The following ZNF705B variants were observed in gnomAD, a reference collection of about 807,000 sequenced individuals.
The protein encoded by ZNF705B is zinc finger protein 705B.
Under a neutral mutation model 10.5 loss-of-function variants are expected in ZNF705B, and 1 was observed. The ratio of observed to expected loss-of-function variants is 0.10; its 90% CI spans 0.03 to 0.45. ZNF705B has a LOEUF of 0.45. ZNF705B is among the 20% of genes least tolerant of loss of function. The pLI is 0.97. For missense variants in ZNF705B, 14 were observed against 84.0 expected, an observed-to-expected ratio of 0.17 and a Z score of 3.26; for synonymous variants, 4 against 25.4, an observed-to-expected ratio of 0.16 and a Z score of 2.53.
chr8:7,929,081 A>C (rs1819773590), intron 1 of ZNF705B, among the ~76,000 whole-genome samples: 1 of 121,400 alleles, frequency 8.2e-6, no homozygotes, highest in Admixed American at 9.3e-5. Flanking sequence ...TACCCCAAAA[A>C]CTACTGAAAT....
At chr8:7,931,181 G>T (rs575424420) in intron 2 of ZNF705B, among the ~76,000 whole-genome samples, 1 of 121,170 alleles carries the variant, frequency 8.3e-6, no homozygotes, top group Admixed American at 9.3e-5. Flanking sequence ...TGGTGAGCTC[G>T]GTAGATAGGC....
intron 2 of ZNF705B, among the ~76,000 whole-genome samples, chr8:7,936,625 A>T (rs1585000754): frequency 8.4e-6 from 1 of 119,706 alleles, no homozygotes; most frequent in Non-Finnish European, 2.0e-5. Context: ...CAAGAACAGG[A>T]AGACAAATAC....
chr8:7,928,409 A>T lies in ZNF705B; in HGVS notation c.-221-1878A>T, dbSNP rs1374804274. On this transcript the variant is annotated intron_variant, in intron 1 of 6. Coordinates refer to ENST00000400120, the MANE Select transcript of ZNF705B (RefSeq NM_001193630.1). The stretch of plus-strand genomic sequence containing the variant: ...TCTTTCATTCAAGTGTCATTTGTTT[A>T]AACAAATACGTGAGTACCTCGTCTC... Among the ~76,000 whole-genome samples the T allele has an allele frequency of 3.3e-5, 4 of 120,946 alleles. 2 individuals are homozygous for T. Among genetic ancestry groups the T allele is most frequent in the Non-Finnish European group, 7.9e-5 (4 of 50,430 alleles). The allele number at this position is 120,946 out of a possible 152,430, so 79.3% of individuals were successfully genotyped here. A position where few individuals can be genotyped will look rare whatever the true frequency, so the allele number is the denominator to read the frequency against.
chr8:7,938,901 CATAG>C (rs1182876558), intron 2 of ZNF705B: 3 of 455,628 alleles, frequency 6.6e-6, no homozygotes, highest in African/African-American at 5.1e-5. Context: ...TAGGGATATT[CATAG>C]ATAGAGGTGT....
Position 7,936,243 on chromosome 8 carries a change from T to C in ZNF705B, c.-72+5807T>C, listed in dbSNP as rs1400303333. ...TTTGTGCGGAAATTTGTTGTTACTC[T>C]CGGTTCAGAGGTCTTTGAATCATGT... On this transcript the variant is annotated intron_variant, in intron 2 of 6. Transcript: ENST00000400120. Among the ~76,000 whole-genome samples the C allele has an allele frequency of 1.6e-4, 19 of 120,282 alleles. 1 individual carries two copies. Among genetic ancestry groups the C allele is most frequent in the African/African-American group, 4.8e-4 (19 of 39,264 alleles). The allele number at this position is 120,282 out of a possible 152,430, so 78.9% of individuals were successfully genotyped here.
rs1409945249 is a variant in ZNF705B, at chr8:7,928,306, G to C, written c.-222+1909G>C. 3.3e-5 allele frequency among the ~76,000 whole-genome samples: 4 copies of C among 120,628 alleles called. 1 individual carries two copies. Among genetic ancestry groups the C allele is most frequent in the African/African-American group, 5.0e-5 (2 of 39,758 alleles). The allele number at this position is 120,628 out of a possible 152,430, so 79.1% of individuals were successfully genotyped here. On this transcript the variant is annotated intron_variant, in intron 1 of 6. Coordinates refer to ENST00000400120, the MANE Select transcript of ZNF705B (RefSeq NM_001193630.1). ...ATTTCAACAGATGAATGGGGAGACA[G>C]AAATATTCAAACATTCGGGCCACAG...
In ZNF705B at chr8:7,932,390, C is replaced by T. The variant is rs1429996730; in HGVS notation, c.-72+1954C>T. Among the ~76,000 whole-genome samples, 4 of 121,144 alleles carry T rather than the reference C, an allele frequency of 3.3e-5. 2 individuals carry two copies. The highest frequency in any genetic ancestry group is 7.9e-5 in the Non-Finnish European group (4 of 50,548). The allele number at this position is 121,144 out of a possible 152,430, so 79.5% of individuals were successfully genotyped here. Reference sequence around the variant, plus strand: ...CAAGGTATGATTATCTACTTGCTGTCTTGGTCTTTCTTTGGGAGGACACAG... The same window carrying T: ...CAAGGTATGATTATCTACTTGCTGTTTTGGTCTTTCTTTGGGAGGACACAG... On this transcript the variant is annotated intron_variant, in intron 2 of 6. Transcript: ENST00000400120.
At chr8:7,941,264 T>C (rs1212696770) in intron 2 of ZNF705B, among the ~76,000 whole-genome samples, 2 of 145,364 alleles carry the variant, frequency 1.4e-5, no homozygotes, top group Non-Finnish European at 3.1e-5. Context: ...GGAATCACCA[T>C]ACTGTCTTCC....
At chr8:7,936,531 C>T (rs1467400745) in intron 2 of ZNF705B, among the ~76,000 whole-genome samples, 2 of 119,662 alleles carry the variant, frequency 1.7e-5, no homozygotes, top group Admixed American at 9.6e-5. Context: ...TCACGGAATA[C>T]TATGCATCCA....
chr8:7,934,366 G>GGA (rs1819946816), intron 2 of ZNF705B: 1 of 1,431,026 alleles, frequency 7.0e-7, no homozygotes, highest in Admixed American at 2.3e-5. Context: ...ACAGGGAGAG[G>GGA]GAGAGAGAAA....
intron 1 of ZNF705B, among the ~76,000 whole-genome samples, chr8:7,928,000 G>C (rs1002158477): frequency 2.2e-5 from 3 of 136,098 alleles, no homozygotes; most frequent in African/African-American, 7.5e-5. Flanking sequence ...AGTCCATTTG[G>C]GATGCTATTA....
rs1260373937 is a variant in ZNF705B, at chr8:7,936,873, G to T, written c.-72+6437G>T. ...ACTCCCTGAATCTAAAATAAAGGTTGAAGTTATTTTTAAAAATTGAAATTA... is the reference window on the plus strand; with the variant it reads ...ACTCCCTGAATCTAAAATAAAGGTTTAAGTTATTTTTAAAAATTGAAATTA... On this transcript the variant is annotated intron_variant, in intron 2 of 6. Coordinates refer to ENST00000400120, the MANE Select transcript of ZNF705B (RefSeq NM_001193630.1). 2.5e-5 allele frequency among the ~76,000 whole-genome samples: 3 copies of T among 119,512 alleles called. 1 individual carries two copies. In the East Asian group the frequency reaches 7.1e-4, roughly 28 times the overall value. 78.4% of individuals were successfully genotyped at this position (119,512 alleles called of 152,430 possible).
intron 4 of ZNF705B, among the ~76,000 whole-genome samples, chr8:7,949,676 ATG>A (rs1413666097): frequency 5.7e-5 from 5 of 87,630 alleles, no homozygotes; most frequent in Admixed American, 1.7e-4. Context: ...TGTAAATCGA[ATG>A]TTTTTTTTTG....
Position 7,928,309 on chromosome 8 carries a change from A to G in ZNF705B, c.-222+1912A>G, listed in dbSNP as rs145638475. ...TCAACAGATGAATGGGGAGACAGAA[A>G]TATTCAAACATTCGGGCCACAGCAC... On this transcript the variant is annotated intron_variant, in intron 1 of 6. Coordinates refer to ENST00000400120, the MANE Select transcript of ZNF705B (RefSeq NM_001193630.1). Among the ~76,000 whole-genome samples the G allele has an allele frequency of 6.4e-3, 774 of 120,480 alleles. 96 individuals carry two copies. Among genetic ancestry groups the G allele is most frequent in the Middle Eastern group, 0.026 (6 of 232 alleles). 79.0% of individuals were successfully genotyped at this position (120,480 alleles called of 152,430 possible).
At chr8:7,927,640 A>G (rs1392119386) in intron 1 of ZNF705B, among the ~76,000 whole-genome samples, 4 of 121,022 alleles carry the variant, frequency 3.3e-5, no homozygotes, top group Non-Finnish European at 5.8e-5. Context: ...TATAGCCATC[A>G]CCAAATAAAC....
At chr8:7,931,190 G>A (rs1364840487) in intron 2 of ZNF705B, among the ~76,000 whole-genome samples, 1 of 121,018 alleles carries the variant, frequency 8.3e-6, no homozygotes, top group Non-Finnish European at 2.0e-5. Flanking sequence ...CGGTAGATAG[G>A]CATGCCCTCA....
intron 2 of ZNF705B, among the ~76,000 whole-genome samples, chr8:7,937,525 C>A (rs574848736): frequency 4.3e-5 from 5 of 115,428 alleles, no homozygotes. Context: ...AATTTTTAAA[C>A]CTTGATTAAA....
rs1819881569 is a variant in ZNF705B, at chr8:7,932,629, A to G, written c.-72+2193A>G. On this transcript the variant is annotated intron_variant, in intron 2 of 6. Transcript: ENST00000400120. The stretch of plus-strand genomic sequence containing the variant: ...GCACTGAGGAAAACTTGGCACTTCC[A>G]TAGGGTTGAGTTGGTTGGAATATAT... 1.6e-5 allele frequency among the ~76,000 whole-genome samples: 2 copies of G among 121,664 alleles called. 1 individual carries two copies. The highest frequency in any genetic ancestry group is 3.9e-5 in the Non-Finnish European group (2 of 50,724). The allele number at this position is 121,664 out of a possible 152,430, so 79.8% of individuals were successfully genotyped here. A position where few individuals can be genotyped will look rare whatever the true frequency, so the allele number is the denominator to read the frequency against.
rs1819782355 is a variant in ZNF705B at position 7,929,455 on chromosome 8, T to C, written c.-221-832T>C. Among the ~76,000 whole-genome samples the C allele has an allele frequency of 2.5e-5, 3 of 121,244 alleles. 1 individual carries two copies. In the South Asian group the frequency reaches 8.3e-4, roughly 34 times the overall value. The allele number at this position is 121,244 out of a possible 152,430, so 79.5% of individuals were successfully genotyped here. On this transcript the variant is annotated intron_variant, in intron 1 of 6. Transcript: ENST00000400120. ...AGTGGATGAATCCTCAATATCACTA[T>C]TTTATAATAATTTATTCTGGGGAAA...
Sources: allele counts gnomAD v4.1 joint callset (sites outside exome capture counted in the v4.1 genomes callset), GRCh38; gene constraint gnomAD v4.1.1; transcripts MANE v1.5; gene names NCBI Gene and HGNC (gene_info 2026-07-23, HGNC 2026-07-21).